FLRT2: variants seen among roughly 807,000 people sequenced by gnomAD.
FLRT2 encodes leucine-rich repeat transmembrane protein FLRT2.
FLRT2 carries 15 observed loss-of-function variants against 40.0 expected under a neutral mutation model. That is an observed-to-expected ratio of 0.38 (90% confidence interval 0.25 to 0.58). The LOEUF (loss-of-function observed/expected upper bound fraction) is 0.58, where lower values mean the gene tolerates loss of function less well. Among genes scored for constraint, FLRT2 ranks in the 20% least tolerant of loss-of-function variants. The pLI is 0.71. For missense variants in FLRT2, 726 were observed against 840.0 expected, an observed-to-expected ratio of 0.86 and a Z score of 1.68; for synonymous variants, 380 against 336.8, an observed-to-expected ratio of 1.13 and a Z score of -1.41.
chr14:85,584,639 C>T (rs1015222793), intron 1 of FLRT2, among the ~76,000 whole-genome samples: 11 of 152,186 alleles, frequency 7.2e-5, no homozygotes, highest in Non-Finnish European at 1.5e-4. Context: ...CAGGTCCTGC[C>T]CGGGCTGAGC....
rs1033559916 is a variant in FLRT2, at chr14:85,630,168, T to C, written c.*6671T>C. 31 of 152,130 alleles carry C rather than the reference T, an allele frequency of 2.0e-4. No homozygotes were observed. Among genetic ancestry groups the C allele is most frequent in the African/African-American group, 7.5e-4 (31 of 41,420 alleles). The allele number at this position is 152,130 out of a possible 1,614,324, so 9.4% of individuals were successfully genotyped here. A position where few individuals can be genotyped will look rare whatever the true frequency, so the allele number is the denominator to read the frequency against. ...AAAATGTGTGCTTTAGGGGATATTATATAAGCTTTATTTTCACTGGCTCTA... is the reference window on the plus strand; with the variant it reads ...AAAATGTGTGCTTTAGGGGATATTACATAAGCTTTATTTTCACTGGCTCTA... On this transcript the variant is annotated 3_prime_UTR_variant, in exon 2 of 2. Transcript: ENST00000330753.
chr14:85,611,121 C>T (rs933397896), intron 1 of FLRT2, among the ~76,000 whole-genome samples: 1 of 152,130 alleles, frequency 6.6e-6, no homozygotes, highest in African/African-American at 2.4e-5. Context: ...GTCTCGAACT[C>T]CTGACCTCAG....
rs951706425 is a variant in FLRT2 at position 85,651,138 on chromosome 14, T to C, written c.*27641T>C. On this transcript the variant is annotated 3_prime_UTR_variant, in exon 2 of 2. Transcript: ENST00000330753. ...ACTTTTCTAATTCAATTATCTTTTT[T>C]GATTAATCAATTGTTTAGGATAATG... 10 of 151,876 alleles carry C rather than the reference T, an allele frequency of 6.6e-5. No homozygotes were observed. The highest frequency in any genetic ancestry group is 1.3e-4 in the Non-Finnish European group (9 of 67,948). 9.4% of individuals were successfully genotyped at this position (151,876 alleles called of 1,614,324 possible).
At chr14:85,583,999 A>G (rs1240222816) in intron 1 of FLRT2, among the ~76,000 whole-genome samples, 1 of 150,524 alleles carries the variant, frequency 6.6e-6, no homozygotes, top group East Asian at 1.9e-4. Flanking sequence ...GATTGGCATT[A>G]GTGTTTGGAT....
rs1396270774 is a variant in FLRT2 at position 85,643,800 on chromosome 14, T to G, written c.*20303T>G. The G allele has an allele frequency of 6.6e-6, 1 of 152,144 alleles. No homozygotes were observed. Among genetic ancestry groups the G allele is most frequent in the Non-Finnish European group, 1.5e-5 (1 of 68,056 alleles). 9.4% of individuals were successfully genotyped at this position (152,144 alleles called of 1,614,324 possible). ...CCACAAAATGTGCTCCCTGTTTAAG[T>G]GGGGTTGGTGGAATCCTGGAGTGAC... On this transcript the variant is annotated 3_prime_UTR_variant, in exon 2 of 2. Coordinates refer to ENST00000330753, the MANE Select transcript of FLRT2 (RefSeq NM_013231.6).
intron 1 of FLRT2, among the ~76,000 whole-genome samples, chr14:85,572,577 A>G (rs937869202): frequency 3.3e-5 from 5 of 152,160 alleles, no homozygotes; most frequent in African/African-American, 1.2e-4. Context: ...TTATGTGCAG[A>G]CAGTAGGCCT....
rs3830857 is a variant in FLRT2, at chr14:85,562,620, C to CTTTTTTTTTTTTTTTTTTT, written c.-377+32100_-377+32101insTTTTTTTTTTTTTTTTTTT. The CTTTTTTTTTTTTTTTTTTT allele has an allele frequency of 4.2e-4, 48 of 115,494 alleles. 9 individuals carry two copies. Among genetic ancestry groups the CTTTTTTTTTTTTTTTTTTT allele is most frequent in the Non-Finnish European group, 6.2e-4 (36 of 58,022 alleles). 7.2% of individuals were successfully genotyped at this position (115,494 alleles called of 1,614,324 possible). On this transcript the variant is annotated intron_variant, in intron 1 of 1. Coordinates refer to ENST00000330753, the MANE Select transcript of FLRT2 (RefSeq NM_013231.6). ...CCTCCTAACCCACCTTTCTTTCTTT[C>CTTTTTTTTTTTTTTTTTTT]TTTTTTTTTTTTTTGAATCTAGACT...
At chr14:85,549,191 C>T (rs772401165) in intron 1 of FLRT2, among the ~76,000 whole-genome samples, 7 of 152,078 alleles carry the variant, frequency 4.6e-5, no homozygotes, top group Admixed American at 6.6e-5. Context: ...GACCCAGGTA[C>T]GGGTGCAAGA....
intron 1 of FLRT2, among the ~76,000 whole-genome samples, chr14:85,572,225 TC>T (rs1164528841): frequency 1.3e-5 from 2 of 152,168 alleles, no homozygotes; most frequent in African/African-American, 4.8e-5. Context: ...TACTCCTCTT[TC>T]AAGGCCAATC....
intron 1 of FLRT2, among the ~76,000 whole-genome samples, chr14:85,610,427 C>T (rs1449457024): frequency 6.6e-6 from 1 of 152,202 alleles, no homozygotes; most frequent in African/African-American, 2.4e-5. Flanking sequence ...CGTCTTTGAT[C>T]TTTACCTTCT....
chr14:85,611,418 G>C (rs565259677), intron 1 of FLRT2, among the ~76,000 whole-genome samples: 2 of 152,296 alleles, frequency 1.3e-5, no homozygotes, highest in East Asian at 3.9e-4. Context: ...AAAAGAATTG[G>C]TTTATAATTA....
chr14:85,608,994 A>G (rs1200867578), intron 1 of FLRT2, among the ~76,000 whole-genome samples: 1 of 152,082 alleles, frequency 6.6e-6, no homozygotes, highest in African/African-American at 2.4e-5. Context: ...GAATTCTCAA[A>G]CTCTACCAAA....
chr14:85,591,031 T>G (rs1018974993), intron 1 of FLRT2, among the ~76,000 whole-genome samples: 1 of 152,184 alleles, frequency 6.6e-6, no homozygotes, highest in Non-Finnish European at 1.5e-5. Flanking sequence ...CTTCTTTATC[T>G]TTTTTGGGAA....
chr14:85,638,034 A>T lies in FLRT2; in HGVS notation c.*14537A>T, dbSNP rs1257247893. On this transcript the variant is annotated 3_prime_UTR_variant, in exon 2 of 2. Coordinates refer to ENST00000330753, the MANE Select transcript of FLRT2 (RefSeq NM_013231.6). ...ATACACATTACCTAGATTTTCAAGA[A>T]GTGAAATGTTTAGTAACCATTATGA... The T allele has an allele frequency of 6.6e-6, 1 of 152,188 alleles. No individual in the cohort carries two copies. The highest frequency in any genetic ancestry group is 1.5e-5 in the Non-Finnish European group (1 of 68,054). 9.4% of individuals were successfully genotyped at this position (152,188 alleles called of 1,614,324 possible).
rs974628094 is a variant in FLRT2 at position 85,632,544 on chromosome 14, T to C, written c.*9047T>C. ...CCACAAAGCACAAGTAGACACAAAG[T>C]TAAACATTTCGACAGTCGGCTAGTC... On this transcript the variant is annotated 3_prime_UTR_variant, in exon 2 of 2. Coordinates refer to ENST00000330753, the MANE Select transcript of FLRT2 (RefSeq NM_013231.6). 1 of 151,022 alleles carries C rather than the reference T, an allele frequency of 6.6e-6. No individual in the cohort carries two copies. The highest frequency in any genetic ancestry group is 1.5e-5 in the Non-Finnish European group (1 of 67,872). 9.4% of individuals were successfully genotyped at this position (151,022 alleles called of 1,614,324 possible). A position where few individuals can be genotyped will look rare whatever the true frequency, so the allele number is the denominator to read the frequency against.
At chr14:85,585,001 A>G (rs1020438695) in intron 1 of FLRT2, among the ~76,000 whole-genome samples, 5 of 152,114 alleles carry the variant, frequency 3.3e-5, no homozygotes, top group Non-Finnish European at 7.4e-5. Flanking sequence ...GATGCAGTCG[A>G]GGGCTTTTGT....
intron 1 of FLRT2, among the ~76,000 whole-genome samples, chr14:85,616,290 A>T (rs1392898982): frequency 1.3e-5 from 2 of 150,346 alleles, no homozygotes; most frequent in African/African-American, 2.4e-5. Flanking sequence ...TCAATACAGT[A>T]TTCACACAAA....
chr14:85,586,813 A>G (rs1891639193), intron 1 of FLRT2, among the ~76,000 whole-genome samples: 1 of 152,198 alleles, frequency 6.6e-6, no homozygotes, highest in Non-Finnish European at 1.5e-5. Flanking sequence ...TCTCATGGGC[A>G]TGGTAGATAT....
At chr14:85,614,544 C>T (rs1293536659) in intron 1 of FLRT2, among the ~76,000 whole-genome samples, 2 of 152,284 alleles carry the variant, frequency 1.3e-5, no homozygotes, top group East Asian at 3.9e-4. Context: ...TGTTTCAATT[C>T]CCTGAAAGCA....
Sources: allele counts gnomAD v4.1 joint callset (sites outside exome capture counted in the v4.1 genomes callset), GRCh38; gene constraint gnomAD v4.1.1; transcripts MANE v1.5; gene names NCBI Gene and HGNC (gene_info 2026-07-23, HGNC 2026-07-21).